Variants in PCDH7 observed in about 807,000 individuals in gnomAD.
PCDH7 encodes the protein protocadherin 7.
In PCDH7, 17 loss-of-function variants were observed where a neutral mutation model predicts 58.9. The ratio of observed to expected loss-of-function variants is 0.29; its 90% confidence interval spans 0.20 to 0.43. The LOEUF (loss-of-function observed/expected upper bound fraction) is 0.43, where lower values mean the gene tolerates loss of function less well. PCDH7 is among the 20% of genes least tolerant of loss of function. The pLI is 1.00. For missense variants in PCDH7, 1,274 were observed against 1,441.0 expected, an observed-to-expected ratio of 0.88 and a Z score of 1.88; for synonymous variants, 664 against 616.4, an observed-to-expected ratio of 1.08 and a Z score of -1.14.
chr4:30,988,316 A>G (rs1157813359), intron 3 of PCDH7, among the ~76,000 whole-genome samples: 2 of 152,358 alleles, frequency 1.3e-5, no homozygotes, highest in East Asian at 3.9e-4. Context: ...ATTACTGAGA[A>G]TAATTAGACT....
In PCDH7 at chr4:30,730,127, T is replaced by A. The variant is rs138506019; in HGVS notation, c.3175-626T>A. On this transcript the variant is annotated intron_variant, in intron 1 of 1. Transcript: ENST00000361762. Reference sequence around the variant, plus strand: ...AATTATATACAGTATTTTAAATATATATATAACTTTAAATATATAACATGA... The same window carrying A: ...AATTATATACAGTATTTTAAATATAAATATAACTTTAAATATATAACATGA... Among the ~76,000 whole-genome samples, 424 of 151,614 alleles carry A rather than the reference T, an allele frequency of 2.8e-3. 1 individual carries two copies. The highest frequency in any genetic ancestry group is 4.9e-3 in the Non-Finnish European group (330 of 67,840).
At position 30,721,516 on chromosome 4, in the gene PCDH7, C is replaced by G; in HGVS notation, c.94C>G (p.Gln32Glu). 6.2e-7 allele frequency: 1 copy of G among 1,600,744 alleles called. No homozygotes were observed. The highest frequency in any genetic ancestry group is 1.7e-4 in the Middle Eastern group (1 of 6,052). Residue 32 changes from glutamine (Q) to glutamate (E), a missense_variant, in exon 1 of 2, where the codon CAG becomes GAG. Gln to Glu is a conservative substitution (Grantham distance 29). Coordinates refer to ENST00000361762, the Ensembl canonical transcript of PCDH7. The surrounding 1 kb of genome is among the most constrained non-coding windows in gnomAD (Gnocchi z 6.7). ...CTCGCTCAGCCTGGCGGCCGCCAAGCAGCTCCTCCGGTACCGGCTGGCCGA... is the reference window on the plus strand; with the variant it reads ...CTCGCTCAGCCTGGCGGCCGCCAAGGAGCTCCTCCGGTACCGGCTGGCCGA...
At chr4:30,874,596 C>T (rs1046635249) in intron 1 of PCDH7, among the ~76,000 whole-genome samples, 13 of 151,198 alleles carry the variant, frequency 8.6e-5, no homozygotes, top group South Asian at 6.3e-4. Flanking sequence ...TGCTAAATGA[C>T]GAGTTAATGG....
At position 30,964,386 on chromosome 4, in the gene PCDH7, C is replaced by T. The variant is rs573377945; in HGVS notation, c.*7+14171C>T. 7.9e-5 allele frequency among the ~76,000 whole-genome samples: 12 copies of T among 151,808 alleles called. No homozygotes were observed. In the East Asian group the frequency reaches 1.8e-3, roughly 22 times the overall value. On this transcript the variant is annotated intron_variant, in intron 3 of 3. Coordinates refer to the PCDH7 transcript ENST00000509759. The stretch of plus-strand genomic sequence containing the variant: ...CCTCCCGAGTAGCTGGGACTACAGG[C>T]GTCCGCCACCTCGCCCCACTAATTT...
At position 30,831,386 on chromosome 4, in the gene PCDH7, A is replaced by G. The variant is rs147034920; in HGVS notation, c.71-88767A>G. Among the ~76,000 whole-genome samples, 893 of 152,258 alleles carry G rather than the reference A, an allele frequency of 5.9e-3. 6 individuals are homozygous for G. The highest frequency in any genetic ancestry group is 8.5e-3 in the Non-Finnish European group (575 of 68,004). On this transcript the variant is annotated intron_variant, in intron 1 of 3. Coordinates refer to the PCDH7 transcript ENST00000509759. Reference sequence around the variant, plus strand: ...TTCATAGTCTTGGCCTTTACTAGCTATGGGACAAAACTTCCATCAATAAAA... The same window carrying G: ...TTCATAGTCTTGGCCTTTACTAGCTGTGGGACAAAACTTCCATCAATAAAA...
At chr4:31,107,699 T>C (rs1186148518) in intron 3 of PCDH7, among the ~76,000 whole-genome samples, 1 of 152,136 alleles carries the variant, frequency 6.6e-6, no homozygotes. Context: ...ATCTAAAAAA[T>C]GTTCACAGTT....
chr4:30,761,378 A>AT (rs1719998373), intron 1 of PCDH7, among the ~76,000 whole-genome samples: 1 of 152,072 alleles, frequency 6.6e-6, no homozygotes, highest in Non-Finnish European at 1.5e-5. Flanking sequence ...CACATATGTA[A>AT]TTTTTAATTT....
intron 1 of PCDH7, among the ~76,000 whole-genome samples, chr4:30,870,132 TTTG>T (rs1735384695): frequency 1.3e-5 from 2 of 151,112 alleles, no homozygotes; most frequent in African/African-American, 4.9e-5. Context: ...GAAGGGATTG[TTTG>T]TTTTTTTCTT....
intron 3 of PCDH7, among the ~76,000 whole-genome samples, chr4:31,092,741 C>T (rs575792734): frequency 1.6e-4 from 24 of 152,102 alleles, no homozygotes; most frequent in South Asian, 6.2e-4. Flanking sequence ...AGGGACCAGC[C>T]TCTCTAAATC....
chr4:30,907,277 G>C (rs927044484), intron 1 of PCDH7, among the ~76,000 whole-genome samples: 1 of 152,116 alleles, frequency 6.6e-6, no homozygotes, highest in Admixed American at 6.5e-5. Flanking sequence ...TACCTAAAGA[G>C]CTTCTGCACA....
At chr4:30,970,327 C>T (rs984283779) in intron 3 of PCDH7, among the ~76,000 whole-genome samples, 1 of 151,112 alleles carries the variant, frequency 6.6e-6, no homozygotes, top group African/African-American at 2.4e-5. Context: ...CGGCGTCTAG[C>T]TCAGTCGCCC....
chr4:30,976,846 C>G (rs1046022068), intron 3 of PCDH7, among the ~76,000 whole-genome samples: 5 of 152,080 alleles, frequency 3.3e-5, no homozygotes, highest in African/African-American at 1.2e-4. Context: ...AACAATTATG[C>G]CACCTGATTT....
intron 3 of PCDH7, among the ~76,000 whole-genome samples, chr4:31,117,966 T>C (rs1717203036): frequency 6.6e-6 from 1 of 152,220 alleles, no homozygotes; most frequent in African/African-American, 2.4e-5. Context: ...ACTTAATTTA[T>C]TGCAATTATC....
At chr4:31,022,429 T>C (rs373907299) in intron 3 of PCDH7, among the ~76,000 whole-genome samples, 19 of 152,226 alleles carry the variant, frequency 1.2e-4, no homozygotes, top group African/African-American at 4.6e-4. Context: ...TCATTAAATC[T>C]ATTTAGGTAA....
intron 2 of PCDH7, among the ~76,000 whole-genome samples, chr4:30,945,099 T>A (rs1212236414): frequency 1.3e-5 from 2 of 152,120 alleles, no homozygotes; most frequent in East Asian, 3.8e-4. Context: ...GAAAATTAAA[T>A]TAACTTTTAA....
chr4:30,941,056 G>C (rs879449580), intron 2 of PCDH7, among the ~76,000 whole-genome samples: 6 of 151,952 alleles, frequency 3.9e-5, no homozygotes, highest in Non-Finnish European at 8.8e-5. Context: ...TTCCAACTTA[G>C]AGCACTGCTT....
chr4:30,774,088 A>T (rs1209387229), intron 1 of PCDH7, among the ~76,000 whole-genome samples: 1 of 151,978 alleles, frequency 6.6e-6, no homozygotes, highest in Non-Finnish European at 1.5e-5. Context: ...AATTTCTTTT[A>T]TGTCTCTTAA....
At chr4:30,740,815 A>T (rs1476173619) in intron 1 of PCDH7, among the ~76,000 whole-genome samples, 1 of 151,780 alleles carries the variant, frequency 6.6e-6, no homozygotes. Context: ...ATGTCATCTA[A>T]CAGTTTTTTA....
chr4:30,969,974 A>T (rs140046651), intron 3 of PCDH7, among the ~76,000 whole-genome samples: 1 of 152,150 alleles, frequency 6.6e-6, no homozygotes, highest in Admixed American at 6.5e-5. Flanking sequence ...TGCTTGAATT[A>T]TGTGTTAATT....
Sources: allele counts gnomAD v4.1 joint callset (sites outside exome capture counted in the v4.1 genomes callset), GRCh38; gene constraint gnomAD v4.1.1; non-coding constraint Gnocchi (gnomAD v3.1); transcripts MANE v1.5; gene names NCBI Gene and HGNC (gene_info 2026-07-23, HGNC 2026-07-21).